The following CAMK1 variants were observed in gnomAD, a reference collection of about 807,000 sequenced individuals.
The protein encoded by CAMK1 is calcium/calmodulin dependent protein kinase I.
In CAMK1, 39 loss-of-function variants were observed where a neutral mutation model predicts 49.1. The ratio of observed to expected loss-of-function variants is 0.79; its 90% CI spans 0.62 to 1.04. The LOEUF is 1.04. Ranked by LOEUF, CAMK1 falls within the 50% of genes least tolerant of loss-of-function variation. The pLI is 0.00. For synonymous variants in CAMK1, 192 were observed against 185.2 expected (o/e 1.04, Z -0.30); for missense variants, 457 against 472.2 (o/e 0.97, Z 0.30).
At chr3:9,766,396 AC>A (rs1272011505) in intron 2 of CAMK1, 13 of 538,104 alleles carry the variant, frequency 2.4e-5, no homozygotes, top group Admixed American at 2.2e-4. Flanking sequence ...CTAATTTAAC[AC>A]CCTTTAGAAC....
chr3:9,763,389 G>GT (rs2077983030), intron 3 of CAMK1, 176 bp from the exon 4 acceptor site: 2 of 147,716 alleles, frequency 1.4e-5, no homozygotes, highest in African/African-American at 5.6e-5. Flanking sequence ...GGGCAACAGA[G>GT]TAAGACCCTG....
In CAMK1 at chr3:9,757,444, G is replaced by A. The variant is rs2077631694; in HGVS notation, c.*95C>T. 1 of 1,606,050 alleles carries A rather than the reference G, an allele frequency of 6.2e-7. No homozygotes were observed. The highest frequency in any genetic ancestry group is 2.2e-5 in the East Asian group (1 of 44,672). ...GTGGTAGGGAAGCAGGTGAGGAGGG[G>A]ACAGGGCAGAGAAACTCCCGGTTCA... On this transcript the variant is annotated 3_prime_UTR_variant, in exon 12 of 12. Transcript: ENST00000256460. This position sits in a 1 kb window ranked among gnomAD's most constrained non-coding sequence, Gnocchi z 4.5.
At chr3:9,759,465 C>G (rs767095223) in intron 10 of CAMK1, 23 bp downstream of exon 10, 6 of 1,614,090 alleles carry the variant, frequency 3.7e-6, no homozygotes, top group Middle Eastern at 1.6e-4. Flanking sequence ...AGGCTGGGAC[C>G]AGAACTAGGG....
At chr3:9,761,907 C>T in intron 5 of CAMK1, 150 bp from the exon 6 acceptor site, 2 of 1,224,752 alleles carry the variant, frequency 1.6e-6, no homozygotes, top group South Asian at 3.2e-5. Flanking sequence ...AGGAAGCTCT[C>T]AAGAAGGCCA....
chr3:9,760,393 G>A, intron 8 of CAMK1: 1 of 397,662 alleles, frequency 2.5e-6, no homozygotes, highest in Non-Finnish European at 4.7e-6. Flanking sequence ...TAGACATTAG[G>A]GTGTCAATAG....
chr3:9,762,531 C>T (rs1442964808), intron 5 of CAMK1, among the ~76,000 whole-genome samples: 1 of 152,130 alleles, frequency 6.6e-6, no homozygotes, highest in East Asian at 1.9e-4. Context: ...CATCTGCCAC[C>T]ACGCCGGGCT....
chr3:9,759,964 C>T (rs960352735), intron 8 of CAMK1: 3 of 616,270 alleles, frequency 4.9e-6, no homozygotes, highest in Non-Finnish European at 8.2e-6. Flanking sequence ...AACATATGGC[C>T]GGGCACAGTG....
At chr3:9,766,451 C>A in intron 2 of CAMK1, 3 of 411,818 alleles carry the variant, frequency 7.3e-6, no homozygotes, top group Non-Finnish European at 9.0e-6. Context: ...TTTAGAAATG[C>A]AAAATCTCTA....
intron 5 of CAMK1, 57 bp from the exon 6 acceptor site, chr3:9,761,814 AC>A: frequency 6.3e-7 from 1 of 1,597,602 alleles, no homozygotes; most frequent in East Asian, 2.2e-5. Context: ...GGCTGGTAGA[AC>A]CTTCTGCCGC....
Position 9,763,171 on chromosome 3 carries a change from C to T in CAMK1, c.258G>A (p.Glu86=), listed in dbSNP as rs1330382466. ...PNIVALDDIY[E]SGGHLYLIMQ... ...TGATGAGGTAGAGGTGGCCCCCACT[C>T]TCATAGATGTCATCCAGGGCTACAA... The change falls in exon 4 of 12, where the codon GAG becomes GAA. Residue 86 remains glutamate, a synonymous_variant. Transcript: ENST00000256460. 9 of 1,613,922 alleles carry T rather than the reference C, an allele frequency of 5.6e-6. No homozygotes were observed. Among genetic ancestry groups the T allele is most frequent in the Non-Finnish European group, 7.6e-6 (9 of 1,180,018 alleles).
chr3:9,758,974 T>TG (rs1218849406), intron 10 of CAMK1: 1 of 559,676 alleles, frequency 1.8e-6, no homozygotes, highest in Non-Finnish European at 3.2e-6. Context: ...AAGATTCTTC[T>TG]GGGGCTCCTC....
chr3:9,767,601 G>C, intron 2 of CAMK1, 66 bp downstream of exon 2: 2 of 1,601,160 alleles, frequency 1.2e-6, no homozygotes, highest in Admixed American at 1.7e-5. Context: ...TAATTGACCA[G>C]AGGAAGCCCC....
intron 2 of CAMK1, chr3:9,766,611 C>G: frequency 9.6e-7 from 1 of 1,041,098 alleles, no homozygotes; most frequent in Non-Finnish European, 1.2e-6. Context: ...TGTTTTAGAA[C>G]AGGTTCTTAA....
At position 9,757,534 on chromosome 3, in the gene CAMK1, G is replaced by C. The variant is rs780482930; in HGVS notation, c.*5C>G. ...GCAGAGGATCATGACCCGAGGTCCAGGGCCCTAGAGCTGGTGGGGCAGTGT... is the reference window on the plus strand; with the variant it reads ...GCAGAGGATCATGACCCGAGGTCCACGGCCCTAGAGCTGGTGGGGCAGTGT... On this transcript the variant is annotated 3_prime_UTR_variant, in exon 12 of 12. Transcript: ENST00000256460. This position sits in a 1 kb window ranked among gnomAD's most constrained non-coding sequence, Gnocchi z 4.5. 12 of 1,611,504 alleles carry C rather than the reference G, an allele frequency of 7.4e-6. No homozygotes were observed. In the Admixed American group the frequency reaches 2.0e-4, roughly 27 times the overall value.
rs2077970182 is a variant in CAMK1 at position 9,763,162 on chromosome 3, G to A, written c.267C>T (p.Gly89=). 6.2e-7 allele frequency: 1 copy of A among 1,614,036 alleles called. No individual in the cohort carries two copies. Among genetic ancestry groups the A allele is most frequent in the Non-Finnish European group, 8.5e-7 (1 of 1,180,018 alleles). ...VALDDIYESG[G]HLYLIMQLVS... is the part of the protein sequence containing the mutation. ...ACAGCTGCATGATGAGGTAGAGGTG[G>A]CCCCCACTCTCATAGATGTCATCCA... Residue 89 remains glycine, a synonymous_variant, in exon 4 of 12, where the codon GGC becomes GGT. Transcript: ENST00000256460.
rs1318589050 is a variant in CAMK1, at chr3:9,763,186, C to T, written c.243G>A (p.Leu81=). 6.2e-7 allele frequency: 1 copy of T among 1,613,940 alleles called. No individual in the cohort carries two copies. Among genetic ancestry groups the T allele is most frequent in the South Asian group, 1.1e-5 (1 of 91,080 alleles). The part of the protein sequence containing the change: ...HKIKHPNIVA[L]DDIYESGGHL... Reference sequence around the variant, plus strand: ...GGCCCCCACTCTCATAGATGTCATCCAGGGCTACAATGTTGGGGTGCTTGA... The same window carrying T: ...GGCCCCCACTCTCATAGATGTCATCTAGGGCTACAATGTTGGGGTGCTTGA... Residue 81 remains leucine, a synonymous_variant, in exon 4 of 12, where the codon CTG becomes CTA. Coordinates refer to ENST00000256460, the MANE Select transcript of CAMK1 (RefSeq NM_003656.5).
At chr3:9,759,246 G>A in intron 10 of CAMK1, 1 of 1,614,180 alleles carries the variant, frequency 6.2e-7, no homozygotes. Context: ...TGGATCAGAT[G>A]CCTCCTGAAG....
At position 9,769,881 on chromosome 3, in the gene CAMK1, G is replaced by C. The variant is rs1474723551; in HGVS notation, c.-82C>G. 6.6e-6 allele frequency: 1 copy of C among 152,230 alleles called. No homozygotes were observed. The highest frequency in any genetic ancestry group is 1.5e-5 in the Non-Finnish European group (1 of 68,048). The allele number at this position is 152,230 out of a possible 1,614,324, so 9.4% of individuals were successfully genotyped here. ...GGCTGGGAGGCCCGCGGTGGTTGGC[G>C]CCGAGCTGTGGCCGCGGTCCTCACC... On this transcript the variant is annotated 5_prime_UTR_variant, in exon 1 of 12. Transcript: ENST00000256460.
In CAMK1 at chr3:9,767,764, C is replaced by G. The variant is rs746266424; in HGVS notation, c.-15G>C. 3 of 1,613,768 alleles carry G rather than the reference C, an allele frequency of 1.9e-6. No homozygotes were observed. Among genetic ancestry groups the G allele is most frequent in the South Asian group, 2.2e-5 (2 of 91,074 alleles). ...GCCCCCAGCATGGCCCACTGCCCCC[C>G]GACCACAGCCAGGGCTCCTGTAAGG... On this transcript the variant is annotated 5_prime_UTR_variant, in exon 2 of 12. Transcript: ENST00000256460.
Sources: gnomAD v4.1 joint callset for allele counts (sites outside exome capture counted in the v4.1 genomes callset) on GRCh38, gnomAD v4.1.1 for gene constraint, Gnocchi (gnomAD v3.1) non-coding constraint, MANE v1.5 for transcripts, NCBI Gene and HGNC (gene_info 2026-07-23, HGNC 2026-07-21) for gene names.